Variants in SHISA6 observed in about 807,000 individuals in gnomAD.
The protein encoded by SHISA6 is shisa family member 6.
SHISA6 carries 22 observed loss-of-function variants against 47.9 expected under a neutral mutation model. The observed-to-expected ratio is 0.46, with a 90% CI of 0.33 to 0.66. The LOEUF is 0.66. SHISA6 is among the 30% of genes least tolerant of loss of function. The pLI, the probability that SHISA6 is intolerant of heterozygous loss-of-function variation, is 0.02. For missense variants in SHISA6, 680 were observed against 764.6 expected (o/e 0.89, Z 1.30); for synonymous variants, 388 against 337.8 (o/e 1.15, Z -1.63).
chr17:11,522,556 T>G (rs747725797), intron 3 of SHISA6, among the ~76,000 whole-genome samples: 1 of 152,206 alleles, frequency 6.6e-6, no homozygotes, highest in Non-Finnish European at 1.5e-5. Context: ...ATGCCTGCTA[T>G]GAAAATGGTG....
At chr17:11,397,407 G>A (rs1319653289) in intron 3 of SHISA6, among the ~76,000 whole-genome samples, 1 of 149,354 alleles carries the variant, frequency 6.7e-6, no homozygotes, top group African/African-American at 2.5e-5. Flanking sequence ...GTGTGTGTGT[G>A]TGTGTGTGTG....
intron 2 of SHISA6, among the ~76,000 whole-genome samples, chr17:11,364,973 AG>A (rs1488375735): frequency 6.6e-6 from 1 of 152,170 alleles, no homozygotes; most frequent in Non-Finnish European, 1.5e-5. Context: ...TTTGAGCCCT[AG>A]GTCTTCTATT....
rs10699970 is a variant in SHISA6 at position 11,471,210 on chromosome 17, G to GAAA, written c.896-80670_896-80668dup. Among the ~76,000 whole-genome samples, 189 of 97,744 alleles carry GAAA rather than the reference G, an allele frequency of 1.9e-3. 4 individuals are homozygous for GAAA. Among genetic ancestry groups the GAAA allele is most frequent in the African/African-American group, 4.7e-3 (125 of 26,880 alleles). 64.1% of individuals were successfully genotyped at this position (97,744 alleles called of 152,430 possible). A position where few individuals can be genotyped will look rare whatever the true frequency, so the allele number is the denominator to read the frequency against. Reference sequence around the variant, plus strand: ...GTCGACAGAGTGAGACTCCATCTCAGAAAAAAAAAAAAAAAAAAGGAAAGA... The same window carrying GAAA: ...GTCGACAGAGTGAGACTCCATCTCAGAAAAAAAAAAAAAAAAAAAAAGGAAAGA... On this transcript the variant is annotated intron_variant, in intron 3 of 5. Transcript: ENST00000441885.
intron 2 of SHISA6, among the ~76,000 whole-genome samples, chr17:11,325,372 T>C (rs1546560): frequency 0.27 from 41,169 of 152,116 alleles, 6,468 homozygotes; most frequent in Non-Finnish European, 0.35. Context: ...TAGGTTACCC[T>C]CCCCACTGCT....
At chr17:11,350,177 TATTTA>T (rs1911827269) in intron 2 of SHISA6, among the ~76,000 whole-genome samples, 7 of 113,538 alleles carry the variant, frequency 6.2e-5, no homozygotes, top group East Asian at 7.4e-4. Context: ...TTTATTTATT[TATTTA>T]TTTTTTTTTT....
chr17:11,443,368 A>G (rs769283760), intron 3 of SHISA6, among the ~76,000 whole-genome samples: 1 of 152,218 alleles, frequency 6.6e-6, no homozygotes, highest in Non-Finnish European at 1.5e-5. Flanking sequence ...ATTCTTAGCC[A>G]TCTGAACACA....
In SHISA6 at chr17:11,318,545, G is replaced by C. The variant is rs9914189; in HGVS notation, c.799+55019G>C. ...TGACTGGCTACCTGGGCACCCTCCTGGCTTGCACTGCTATAACACCATTTA... is the reference window on the plus strand; with the variant it reads ...TGACTGGCTACCTGGGCACCCTCCTCGCTTGCACTGCTATAACACCATTTA... On this transcript the variant is annotated intron_variant, in intron 2 of 5. Transcript: ENST00000441885. 1.0e-2 allele frequency among the ~76,000 whole-genome samples: 1,516 copies of C among 152,208 alleles called. 24 individuals carry two copies. Among genetic ancestry groups the C allele is most frequent in the African/African-American group, 0.035 (1,450 of 41,534 alleles).
chr17:11,479,293 A>G (rs1005327270), intron 3 of SHISA6, among the ~76,000 whole-genome samples: 2 of 152,214 alleles, frequency 1.3e-5, no homozygotes, highest in Admixed American at 6.5e-5. Context: ...AAAAAGAATG[A>G]GTTCATGTCC....
At chr17:11,445,604 A>G (rs990380071) in intron 3 of SHISA6, among the ~76,000 whole-genome samples, 68 of 152,324 alleles carry the variant, frequency 4.5e-4, no homozygotes, top group African/African-American at 1.6e-3. Context: ...CTTATTCAGT[A>G]AACAATGGTT....
chr17:11,475,844 G>C (rs1256630917), intron 3 of SHISA6, among the ~76,000 whole-genome samples: 1 of 152,022 alleles, frequency 6.6e-6, no homozygotes, highest in Non-Finnish European at 1.5e-5. Flanking sequence ...CTCTGAGACA[G>C]ATTGTAGGGA....
At chr17:11,434,734 G>A (rs994648456) in intron 3 of SHISA6, among the ~76,000 whole-genome samples, 2 of 152,038 alleles carry the variant, frequency 1.3e-5, no homozygotes, top group African/African-American at 4.8e-5. Context: ...GTTTTAAGAT[G>A]TTTCTGTCCA....
At chr17:11,281,298 T>A (rs984564414) in intron 2 of SHISA6, among the ~76,000 whole-genome samples, 1 of 152,182 alleles carries the variant, frequency 6.6e-6, no homozygotes. Flanking sequence ...ATTTTGGAGA[T>A]GCCCTTTATC....
chr17:11,251,423 G>GAA (rs141844888), intron 1 of SHISA6, among the ~76,000 whole-genome samples: 17 of 144,078 alleles, frequency 1.2e-4, no homozygotes, highest in African/African-American at 3.3e-4. Context: ...TTTTAATTGA[G>GAA]AAAAAAAAAA....
intron 3 of SHISA6, among the ~76,000 whole-genome samples, chr17:11,528,168 C>G (rs1244015471): frequency 2.0e-5 from 3 of 151,888 alleles, no homozygotes; most frequent in Non-Finnish European, 4.4e-5. Context: ...GCAGTTGTAT[C>G]CATTGTAAAA....
Position 11,241,462 on chromosome 17 carries a change from C to T in SHISA6, c.40C>T (p.Leu14=). The change falls in exon 1 of 6, where the codon CTG becomes TTG. Residue 14 remains leucine, a synonymous_variant. Transcript: ENST00000441885. This position sits in a 1 kb window ranked among gnomAD's most constrained non-coding sequence, Gnocchi z 5.5. The part of the protein sequence containing the change: ...RRLLLLLLLS[L]ESLDLLPSVH... ...CCTCCTGCTGCTGCTGCTGCTCTCG[C>T]TGGAGTCCCTGGACCTGCTGCCCAG... 1.6e-6 allele frequency: 2 copies of T among 1,214,296 alleles called. No individual in the cohort carries two copies. Among genetic ancestry groups the T allele is most frequent in the Non-Finnish European group, 1.0e-6 (1 of 958,664 alleles). 75.2% of individuals were successfully genotyped at this position (1,214,296 alleles called of 1,614,324 possible).
intron 2 of SHISA6, among the ~76,000 whole-genome samples, chr17:11,313,322 T>C (rs759072388): frequency 4.6e-5 from 7 of 152,234 alleles, no homozygotes; most frequent in Non-Finnish European, 5.9e-5. Flanking sequence ...ATACCACTTA[T>C]ATGTCTTCTA....
At chr17:11,555,404 A>G (rs2142390271) in intron 4 of SHISA6, among the ~76,000 whole-genome samples, 1 of 152,276 alleles carries the variant, frequency 6.6e-6, no homozygotes, top group East Asian at 1.9e-4. Flanking sequence ...GAAGTAGATG[A>G]TTTTTATGAT....
At chr17:11,530,895 A>G (rs1567631003) in intron 3 of SHISA6, among the ~76,000 whole-genome samples, 1 of 150,824 alleles carries the variant, frequency 6.6e-6, no homozygotes, top group African/African-American at 2.4e-5. Context: ...TTCACCATGG[A>G]TGGAACTGCA....
chr17:11,426,947 C>T lies in SHISA6; in HGVS notation c.895+47438C>T, dbSNP rs1241104931. Among the ~76,000 whole-genome samples, 4 of 152,150 alleles carry T rather than the reference C, an allele frequency of 2.6e-5. No homozygotes were observed. In the East Asian group the frequency reaches 7.7e-4, roughly 29 times the overall value. ...GCAGAAAACAACAATAACAACATCA[C>T]GTTGCCATCCTGTCTCCACCCCTGT... On this transcript the variant is annotated intron_variant, in intron 3 of 5. Coordinates refer to ENST00000441885, the MANE Select transcript of SHISA6 (RefSeq NM_207386.4).
Sources: allele counts gnomAD v4.1 joint callset (sites outside exome capture counted in the v4.1 genomes callset), GRCh38; gene constraint gnomAD v4.1.1; non-coding constraint Gnocchi (gnomAD v3.1); transcripts MANE v1.5; gene names NCBI Gene and HGNC (gene_info 2026-07-23, HGNC 2026-07-21).